Variants in KIDINS220 observed in about 807,000 individuals in gnomAD.
The protein encoded by KIDINS220 is kinase D-interacting substrate of 220 kDa.
A neutral mutation model predicts 157.6 loss-of-function variants in KIDINS220; 63 were observed. The observed-to-expected ratio is 0.40, with a 90% CI of 0.33 to 0.49. The LOEUF (loss-of-function observed/expected upper bound fraction) is 0.49, where lower values mean the gene tolerates loss of function less well. Among genes scored for constraint, KIDINS220 ranks in the 20% least tolerant of loss-of-function variants. The pLI is 0.66. For synonymous variants in KIDINS220, 732 were observed against 783.6 expected (o/e 0.93, Z 1.10); for missense variants, 1,772 against 2,171.2 (o/e 0.82, Z 3.65).
At chr2:8,721,581 C>A (rs1395332604), downstream of KIDINS220, 2 of 152,056 alleles carry the variant, frequency 1.3e-5, no homozygotes, top group Non-Finnish European at 2.9e-5. Context: ...AACAAGAAAA[C>A]TGATGATGAT....
rs368435770 is a variant in KIDINS220 at position 8,817,625 on chromosome 2, C to T, written c.299G>A (p.Arg100His). ...ATATAAAAATGTCCATACCATATCACGGTGCTCCAAGTTAACCCCACATTT... is the reference window on the plus strand; with the variant it reads ...ATATAAAAATGTCCATACCATATCATGGTGCTCCAAGTTAACCCCACATTT... ...LLKCGVNLEH[R>H]DMGGWTALMW... Residue 100 changes from arginine to histidine, a missense_variant, in exon 4 of 30, where the codon CGT becomes CAT. Around this residue, in one of 3 missense-constraint regions of KIDINS220, gnomAD observed 254 missense variants for 268.6 expected, o/e 0.95. Transcript: ENST00000256707. 63 of 1,591,488 alleles carry T rather than the reference C, an allele frequency of 4.0e-5. No individual in the cohort carries two copies. Among genetic ancestry groups the T allele is most frequent in the South Asian group, 2.1e-4 (19 of 88,502 alleles).
intron 23 of KIDINS220, among the ~76,000 whole-genome samples, chr2:8,751,197 G>A (rs530786809): frequency 6.7e-6 from 1 of 149,836 alleles, no homozygotes; most frequent in South Asian, 2.1e-4. Flanking sequence ...GGGTGGGGGC[G>A]GGAGGGGTGG....
chr2:8,826,272 G>A (rs1180356255), intron 2 of KIDINS220, among the ~76,000 whole-genome samples: 1 of 152,178 alleles, frequency 6.6e-6, no homozygotes. Flanking sequence ...ATCCCAAAGT[G>A]TGTGGGACAA....
chr2:8,772,119 T>C (rs1039061521), intron 21 of KIDINS220, among the ~76,000 whole-genome samples: 1 of 152,114 alleles, frequency 6.6e-6, no homozygotes, highest in African/African-American at 2.4e-5. Flanking sequence ...AAATGCACCA[T>C]GCATGCATGC....
At position 8,745,939 on chromosome 2, in the gene KIDINS220, G is replaced by A. The variant is rs867344207; in HGVS notation, c.3585+1206C>T. ...ATAGGCTAAACTGACCATATTACAT[G>A]GGTGTAACATAGTCTGTAAATAAAA... On this transcript the variant is annotated intron_variant, in intron 26 of 29. Transcript: ENST00000256707. Among the ~76,000 whole-genome samples the A allele has an allele frequency of 2.0e-5, 3 of 151,836 alleles. No individual in the cohort carries two copies. The South Asian group carries it at 6.2e-4, about 32-fold the overall frequency.
intron 21 of KIDINS220, among the ~76,000 whole-genome samples, chr2:8,772,205 G>A (rs1316003722): frequency 2.0e-5 from 3 of 152,178 alleles, no homozygotes; most frequent in East Asian, 1.9e-4. Flanking sequence ...GCCAGGTGTG[G>A]TGGCTCACAC....
chr2:8,801,131 C>T (rs1293193154), intron 8 of KIDINS220, among the ~76,000 whole-genome samples: 1 of 152,136 alleles, frequency 6.6e-6, no homozygotes, highest in Non-Finnish European at 1.5e-5. Flanking sequence ...AAGCAGCAAT[C>T]ATTTTTAGTT....
chr2:8,731,668 A>T lies in KIDINS220; in HGVS notation c.4368T>A (p.Asp1456Glu). ...GRKSFLMKRGDVIDYSSSGVS... is the reference protein window; with the variant it reads ...GRKSFLMKRGEVIDYSSSGVS... The stretch of plus-strand genomic sequence containing the variant: ...CCCCTGATGATGAATAATCGATAAC[A>T]TCTCCCCTCTTCATTAGAAAGGACT... Residue 1456 changes from aspartate (D) to glutamate (E), a missense_variant, in exon 30 of 30, where the codon GAT becomes GAA. Physicochemically the swap from Asp to Glu is conservative, Grantham distance 45. This residue lies in a region of KIDINS220 where 793 missense variants were observed against 885.5 expected (regional missense o/e 0.90). Transcript: ENST00000256707. The surrounding 1 kb of genome is among the most constrained non-coding windows in gnomAD (Gnocchi z 5.2). 3 of 1,614,190 alleles carry T rather than the reference A, an allele frequency of 1.9e-6. No homozygotes were observed. Among genetic ancestry groups the T allele is most frequent in the Non-Finnish European group, 2.5e-6 (3 of 1,180,028 alleles).
At chr2:8,813,645 T>C (rs558232548) in intron 4 of KIDINS220, among the ~76,000 whole-genome samples, 1 of 152,346 alleles carries the variant, frequency 6.6e-6, no homozygotes, top group South Asian at 2.1e-4. Context: ...TTCTTCAGGC[T>C]GGGTGCGGTG....
intron 22 of KIDINS220, chr2:8,757,208 A>T (rs902205854): frequency 1.0e-6 from 1 of 970,704 alleles, no homozygotes; most frequent in African/African-American, 1.8e-5. Flanking sequence ...TTTTTTCCCA[A>T]CAAAAGTGCA....
Position 8,750,197 on chromosome 2 carries a change from G to C in KIDINS220, c.3329C>G (p.Pro1110Arg). The C allele has an allele frequency of 6.2e-7, 1 of 1,614,176 alleles. No homozygotes were observed. The highest frequency in any genetic ancestry group is 2.2e-5 in the East Asian group (1 of 44,880). ...SVCSSTSFNG[P>R]FAGGVVSPQP... ...TGGTGACACCACTCCACCTGCGAAG[G>C]GCCCATTGAAGGACGTGGAAGAGCA... The change falls in exon 24 of 30, where the codon CCC (proline) becomes CGC (arginine). Residue 1110 changes from proline (P) to arginine (R), a missense_variant. By Grantham distance (103) the Pro-to-Arg change is moderately radical. This residue lies in a region of KIDINS220 where 793 missense variants were observed against 885.5 expected (regional missense o/e 0.90). Transcript: ENST00000256707.
intron 6 of KIDINS220, among the ~76,000 whole-genome samples, chr2:8,810,282 A>C (rs1458146389): frequency 6.6e-6 from 1 of 152,144 alleles, no homozygotes; most frequent in African/African-American, 2.4e-5. Flanking sequence ...CTCTAAACAG[A>C]GATCATTTTT....
rs370111258 is a variant in KIDINS220, at chr2:8,786,046, T to C, written c.1940-16A>G. ...TTCTTTTTACCTGTAATGCAACAAA[T>C]GGTTTTAATAATTAACATATCAAGG... is the stretch of plus-strand genomic sequence containing the variant. On this transcript the variant is annotated splice_polypyrimidine_tract_variant and intron_variant, in intron 16 of 29. Coordinates refer to ENST00000256707, the MANE Select transcript of KIDINS220 (RefSeq NM_020738.4). 33 of 1,589,876 alleles carry C rather than the reference T, an allele frequency of 2.1e-5. No individual in the cohort carries two copies. The African/African-American group carries it at 4.5e-4, about 22-fold the overall frequency.
chr2:8,820,870 G>C (rs1188154880), intron 2 of KIDINS220, among the ~76,000 whole-genome samples: 1 of 152,066 alleles, frequency 6.6e-6, no homozygotes, highest in Non-Finnish European at 1.5e-5. Context: ...AGGTTCTTTG[G>C]TATACATTCT....
intron 22 of KIDINS220, among the ~76,000 whole-genome samples, chr2:8,763,052 T>C (rs1009035961): frequency 6.6e-6 from 1 of 152,200 alleles, no homozygotes; most frequent in Non-Finnish European, 1.5e-5. Flanking sequence ...AACATTCCCA[T>C]TGATACCCTA....
intron 29 of KIDINS220, 44 bp downstream of exon 29, chr2:8,733,400 G>C: frequency 6.8e-7 from 1 of 1,472,488 alleles, no homozygotes; most frequent in Non-Finnish European, 9.4e-7. Context: ...ACTGAACGGT[G>C]TGCTTATTCT....
chr2:8,800,551 C>A (rs1674551814), intron 8 of KIDINS220, 53 bp from the exon 9 acceptor site: 1 of 1,258,932 alleles, frequency 7.9e-7, no homozygotes, highest in Non-Finnish European at 1.1e-6. Context: ...AACAAATAAG[C>A]ACTCTTTTTA....
At chr2:8,825,552 T>C (rs943693693) in intron 2 of KIDINS220, among the ~76,000 whole-genome samples, 16 of 152,188 alleles carry the variant, frequency 1.1e-4, no homozygotes, top group African/African-American at 3.4e-4. Context: ...AAGATATATA[T>C]GTAAGCAAAT....
chr2:8,808,694 T>C (rs1675859793), intron 6 of KIDINS220, among the ~76,000 whole-genome samples: 1 of 152,248 alleles, frequency 6.6e-6, no homozygotes, highest in Admixed American at 6.5e-5. Flanking sequence ...TTCCTGACCC[T>C]ATGGTCCTCT....
Sources: gnomAD v4.1 joint callset for allele counts (sites outside exome capture counted in the v4.1 genomes callset) on GRCh38, gnomAD v4.1.1 for gene constraint, gnomAD v4.1.1 regional missense constraint, Gnocchi (gnomAD v3.1) non-coding constraint, MANE v1.5 for transcripts, NCBI Gene and HGNC (gene_info 2026-07-23, HGNC 2026-07-21) for gene names.